LINGO2: variants seen among roughly 807,000 people sequenced by gnomAD.
LINGO2 encodes the protein leucine rich repeat and Ig domain containing 2.
In LINGO2, 14 loss-of-function variants were observed where a neutral mutation model predicts 30.6. The ratio of observed to expected loss-of-function variants is 0.46; its 90% CI spans 0.30 to 0.72. The LOEUF (loss-of-function observed/expected upper bound fraction) is 0.72. Among genes scored for constraint, LINGO2 ranks in the 30% least tolerant of loss-of-function variants. The pLI, the probability that LINGO2 is intolerant of heterozygous loss-of-function variation, is 0.07. For synonymous variants in LINGO2, 317 were observed against 288.5 expected (o/e 1.10, Z -1.00); for missense variants, 729 against 751.7 (o/e 0.97, Z 0.35).
At chr9:28,803,183 C>T in the LINGO2 span, among the ~76,000 whole-genome samples, 4 of 151,934 alleles carry the variant, frequency 2.6e-5, no homozygotes, top group African/African-American at 4.8e-5. Flanking sequence ...ACTATAAATC[C>T]TTTATTTCAC....
chr9:29,126,755 A>G, the LINGO2 span, among the ~76,000 whole-genome samples: 1 of 152,104 alleles, frequency 6.6e-6, no homozygotes, highest in Non-Finnish European at 1.5e-5. Flanking sequence ...CTGGAAATAT[A>G]AGATTTTGCA....
chr9:28,668,735 A>G (rs1172014266), intron 1 of LINGO2, among the ~76,000 whole-genome samples: 1 of 152,176 alleles, frequency 6.6e-6, no homozygotes, highest in African/African-American at 2.4e-5. Flanking sequence ...GATATATTCA[A>G]AAAAGCAATT....
chr9:29,088,111 T>A, the LINGO2 span, among the ~76,000 whole-genome samples: 35,057 of 152,064 alleles, frequency 0.23, 4,560 homozygotes, highest in African/African-American at 0.35. Context: ...AGAAATGTAT[T>A]TACAGTCCTT....
chr9:28,986,945 A>G, the LINGO2 span, among the ~76,000 whole-genome samples: 1 of 151,948 alleles, frequency 6.6e-6, no homozygotes, highest in Non-Finnish European at 1.5e-5. Flanking sequence ...TTTTGTAGCT[A>G]TTATAACTGG....
the LINGO2 span, among the ~76,000 whole-genome samples, chr9:28,883,624 G>GTGTGTGTGTA: frequency 2.0e-3 from 50 of 25,476 alleles, 5 homozygotes; most frequent in Admixed American, 5.2e-3. Flanking sequence ...AAATATGTGT[G>GTGTGTGTGTA]TGTGTATATA....
chr9:28,273,358 T>C (rs886904103), intron 4 of LINGO2, among the ~76,000 whole-genome samples: 1 of 152,198 alleles, frequency 6.6e-6, no homozygotes, highest in African/African-American at 2.4e-5. Context: ...GTGGTCCTTC[T>C]GTAAAGACAA....
At position 28,192,746 on chromosome 9, in the gene LINGO2, C is replaced by T. The variant is rs1182774354; in HGVS notation, c.-87+102462G>A. ...AATGCTGGTTTTATTTCTGATTAAT[C>T]AGTTTATCCGAGTGGCCAATCTGGG... is the stretch of plus-strand genomic sequence containing the variant. On this transcript the variant is annotated intron_variant, in intron 4 of 5. Coordinates refer to ENST00000379992, the Ensembl canonical transcript of LINGO2. 3.9e-5 allele frequency among the ~76,000 whole-genome samples: 6 copies of T among 152,210 alleles called. No homozygotes were observed. The East Asian group carries it at 7.7e-4, about 20-fold the overall frequency.
At chr9:28,065,393 C>A (rs1242185461) in intron 4 of LINGO2, among the ~76,000 whole-genome samples, 2 of 150,576 alleles carry the variant, frequency 1.3e-5, no homozygotes, top group Non-Finnish European at 1.5e-5. Flanking sequence ...TACAAAGAGG[C>A]CATTGTGAAT....
chr9:28,230,058 A>G (rs1169643754), intron 4 of LINGO2, among the ~76,000 whole-genome samples: 1 of 151,878 alleles, frequency 6.6e-6, no homozygotes, highest in Non-Finnish European at 1.5e-5. Flanking sequence ...TCAAAATGCA[A>G]GTTGTGTTAG....
chr9:28,328,040 G>A (rs1332286), intron 3 of LINGO2, among the ~76,000 whole-genome samples: 86,302 of 152,054 alleles, frequency 0.57, 25,264 homozygotes, highest in Middle Eastern at 0.65. Flanking sequence ...GTGTGCATCA[G>A]AAAGCTCTTA....
intron 4 of LINGO2, among the ~76,000 whole-genome samples, chr9:28,278,717 A>G (rs535120255): frequency 6.6e-6 from 1 of 152,324 alleles, no homozygotes; most frequent in East Asian, 1.9e-4. Flanking sequence ...GCTCTGATAG[A>G]GATTTACAAG....
At chr9:27,972,649 T>C (rs941838587) in intron 5 of LINGO2, among the ~76,000 whole-genome samples, 3 of 152,176 alleles carry the variant, frequency 2.0e-5, no homozygotes, top group Admixed American at 2.0e-4. Flanking sequence ...AACTTTTCTG[T>C]CCACGCAGGT....
intron 1 of LINGO2, among the ~76,000 whole-genome samples, chr9:28,554,502 G>C (rs1415363604): frequency 1.4e-5 from 2 of 147,774 alleles, no homozygotes; most frequent in African/African-American, 5.0e-5. Flanking sequence ...CATAAAGCAA[G>C]TCCTGAGTGA....
At chr9:28,576,276 C>T (rs551577671) in intron 1 of LINGO2, among the ~76,000 whole-genome samples, 203 of 152,250 alleles carry the variant, frequency 1.3e-3, no homozygotes, top group African/African-American at 4.5e-3. Flanking sequence ...TGTTCAACTA[C>T]GTATCATTAG....
intron 3 of LINGO2, among the ~76,000 whole-genome samples, chr9:28,330,694 A>G (rs899556868): frequency 1.3e-5 from 2 of 152,198 alleles, no homozygotes; most frequent in Non-Finnish European, 2.9e-5. Context: ...ACACCTGGAC[A>G]TGGTGGGCAG....
At chr9:28,792,288 T>A in the LINGO2 span, among the ~76,000 whole-genome samples, 1 of 151,908 alleles carries the variant, frequency 6.6e-6, no homozygotes, top group Non-Finnish European at 1.5e-5. Flanking sequence ...AAGAAAAAGA[T>A]GGAAAATGGA....
intron 3 of LINGO2, among the ~76,000 whole-genome samples, chr9:28,347,271 C>G (rs1254339643): frequency 6.6e-6 from 1 of 152,064 alleles, no homozygotes; most frequent in Non-Finnish European, 1.5e-5. Context: ...TTAAATATTC[C>G]TAGTTCCTAT....
At chr9:28,946,856 C>T in the LINGO2 span, among the ~76,000 whole-genome samples, 1 of 151,992 alleles carries the variant, frequency 6.6e-6, no homozygotes, top group African/African-American at 2.4e-5. Flanking sequence ...TGTTGAATAA[C>T]CCAAGCAAAT....
the LINGO2 span, among the ~76,000 whole-genome samples, chr9:28,965,655 G>C: frequency 1.7e-4 from 26 of 152,178 alleles, 1 homozygote; most frequent in East Asian, 2.5e-3. Context: ...CAATCAGTTA[G>C]TGGGAACAAC....
Sources: gnomAD v4.1 joint callset for allele counts (sites outside exome capture counted in the v4.1 genomes callset) on GRCh38, gnomAD v4.1.1 for gene constraint, MANE v1.5 for transcripts, NCBI Gene and HGNC (gene_info 2026-07-23, HGNC 2026-07-21) for gene names.